Variants in PPP4R3A observed in about 807,000 individuals in gnomAD.
PPP4R3A encodes the protein serine/threonine-protein phosphatase 4 regulatory subunit 3A.
In PPP4R3A, 15 loss-of-function variants were observed where a neutral mutation model predicts 91.7. The observed-to-expected ratio is 0.16, with a 90% CI of 0.11 to 0.25. PPP4R3A has a LOEUF of 0.25. Ranked by LOEUF, PPP4R3A falls within the 10% of genes least tolerant of loss-of-function variation. The probability of loss-of-function intolerance (pLI) is 1.00; values close to 1 mark genes in which losing one functional copy is unlikely to be tolerated. For missense variants in PPP4R3A, 623 were observed against 998.4 expected (o/e 0.62, Z 5.07); for synonymous variants, 377 against 348.7 (o/e 1.08, Z -0.91).
At chr14:91,490,992 G>A (rs1011173409) in intron 1 of PPP4R3A, among the ~76,000 whole-genome samples, 190 bp from the exon 2 acceptor site, 7 of 145,528 alleles carry the variant, frequency 4.8e-5, no homozygotes, top group African/African-American at 1.8e-4. Flanking sequence ...TGCAACCTCC[G>A]CCTCCCAGGC....
chr14:91,462,345 C>T, intron 12 of PPP4R3A, 106 bp from the exon 13 acceptor site: 1 of 1,117,528 alleles, frequency 8.9e-7, no homozygotes, highest in Non-Finnish European at 1.2e-6. Flanking sequence ...ATGAAATTTA[C>T]AAATATTAAA....
At chr14:91,507,402 AAT>A (rs1891400284) in intron 1 of PPP4R3A, among the ~76,000 whole-genome samples, 1 of 82,140 alleles carries the variant, frequency 1.2e-5, no homozygotes, top group East Asian at 3.3e-4. Context: ...TATGTACTAT[AAT>A]TATATATACT....
chr14:91,461,927 A>C, intron 13 of PPP4R3A, 122 bp downstream of exon 13: 1 of 1,383,998 alleles, frequency 7.2e-7, no homozygotes, highest in African/African-American at 1.5e-5. Context: ...CCATAAAGCA[A>C]TAGAGTCTTT....
intron 7 of PPP4R3A, 21 bp from the exon 8 acceptor site, chr14:91,473,391 A>C: frequency 6.2e-7 from 1 of 1,601,198 alleles, no homozygotes; most frequent in Non-Finnish European, 8.5e-7. Context: ...AAATAGACAT[A>C]CTCAGGATCA....
intron 10 of PPP4R3A, among the ~76,000 whole-genome samples, chr14:91,468,730 G>C (rs1355762299): frequency 9.2e-6 from 1 of 108,846 alleles, no homozygotes; most frequent in East Asian, 2.8e-4. Flanking sequence ...TTGTCCACAT[G>C]CCACACTTTT....
chr14:91,510,053 G>T lies in PPP4R3A; in HGVS notation c.-406C>A. ...GCCTCCTCAGGCCGCCGCCGCCGCC[G>T]CCATATTTTCCTTCCTTATACCTGG... On this transcript the variant is annotated 5_prime_UTR_variant, in exon 1 of 15. Transcript: ENST00000554943. 3.0e-6 allele frequency: 2 copies of T among 658,284 alleles called. No individual in the cohort carries two copies. Among genetic ancestry groups the T allele is most frequent in the Non-Finnish European group, 3.8e-6 (2 of 528,582 alleles). The allele number at this position is 658,284 out of a possible 1,614,324, so 40.8% of individuals were successfully genotyped here.
Position 91,461,409 on chromosome 14 carries a change from G to A in PPP4R3A, c.2363C>T (p.Thr788Ile). Residue 788 changes from threonine (T) to isoleucine (I), a missense_variant, in exon 14 of 15, where the codon ACA (threonine) becomes ATA (isoleucine). Thr to Ile is a moderately conservative substitution (Grantham distance 89, BLOSUM62 -1). Transcript: ENST00000554943. Reference protein sequence around the residue: ...PGSPGSVPKNTSQTAAITTKG... With the variant: ...PGSPGSVPKNISQTAAITTKG... ...TGTAGTAATAGCTGCCGTCTGAGAT[G>A]TATTTTTAGGTACGGATCCAGGAGA... 4.3e-6 allele frequency: 7 copies of A among 1,611,970 alleles called. No homozygotes were observed. Among genetic ancestry groups the A allele is most frequent in the Non-Finnish European group, 5.9e-6 (7 of 1,178,104 alleles).
At position 91,509,581 on chromosome 14, in the gene PPP4R3A, C is replaced by T; in HGVS notation, c.67G>A (p.Gly23Ser). The T allele has an allele frequency of 6.2e-7, 1 of 1,602,880 alleles. No homozygotes were observed. Among genetic ancestry groups the T allele is most frequent in the Non-Finnish European group, 8.5e-7 (1 of 1,178,968 alleles). The change falls in exon 1 of 15, where the codon GGC becomes AGC. Residue 23 changes from glycine (G) to serine (S), a missense_variant. This residue lies in a region of PPP4R3A where 51 missense variants were observed against 81.8 expected (regional missense o/e 0.62). Transcript: ENST00000554943. ...TAGCCAGACGACACATGCCCGGTGC[C>T]CCGGTCGTCCCACTGCCGGTCCTCG... ...LNEDRQWDDR[G>S]TGHVSSGYVE... is the part of the protein sequence containing the mutation.
chr14:91,504,463 G>A (rs760757081), intron 1 of PPP4R3A, among the ~76,000 whole-genome samples: 3 of 151,900 alleles, frequency 2.0e-5, no homozygotes, highest in East Asian at 3.9e-4. Flanking sequence ...TTCACCAGGC[G>A]TGGTGGCAGG....
intron 3 of PPP4R3A, among the ~76,000 whole-genome samples, chr14:91,484,553 T>G (rs1452581142): frequency 6.6e-6 from 1 of 152,230 alleles, no homozygotes; most frequent in Non-Finnish European, 1.5e-5. Context: ...ATTTACTATC[T>G]TGTTTTTTAC....
intron 1 of PPP4R3A, among the ~76,000 whole-genome samples, chr14:91,507,895 G>C (rs937177139): frequency 2.1e-4 from 32 of 152,028 alleles, no homozygotes; most frequent in African/African-American, 7.5e-4. Context: ...GCCGAGGCGG[G>C]TGGACTGCGT....
Position 91,481,427 on chromosome 14 carries a change from T to G in PPP4R3A, c.915+149A>C, listed in dbSNP as rs577053583. The G allele has an allele frequency of 2.2e-5, 18 of 829,350 alleles. No homozygotes were observed. In the African/African-American group the frequency reaches 2.8e-4, roughly 13 times the overall value. 51.4% of individuals were successfully genotyped at this position (829,350 alleles called of 1,614,324 possible). A position where few individuals can be genotyped will look rare whatever the true frequency, so the allele number is the denominator to read the frequency against. Reference sequence around the variant, plus strand: ...GATAGAGTAACCTTCTGGTCTCGTATTATTATTGTATATTATAATCTCTTA... The same window carrying G: ...GATAGAGTAACCTTCTGGTCTCGTAGTATTATTGTATATTATAATCTCTTA... On this transcript the variant is annotated intron_variant, in intron 4 of 14. Coordinates refer to ENST00000554943, the MANE Select transcript of PPP4R3A (RefSeq NM_001366432.2).
At chr14:91,501,871 ATTTTTTT>A (rs755484959) in intron 1 of PPP4R3A, among the ~76,000 whole-genome samples, 24 of 100,232 alleles carry the variant, frequency 2.4e-4, no homozygotes, top group South Asian at 3.5e-4. Flanking sequence ...AGCCCGGCTA[ATTTTTTT>A]TTTTTTTTTT....
intron 1 of PPP4R3A, among the ~76,000 whole-genome samples, chr14:91,498,907 G>C (rs1314707861): frequency 8.2e-6 from 1 of 121,960 alleles, no homozygotes; most frequent in Non-Finnish European, 1.6e-5. Context: ...GACAGAGTGA[G>C]ACTCCAACTC....
intron 1 of PPP4R3A, among the ~76,000 whole-genome samples, chr14:91,497,631 T>C (rs1468842168): frequency 1.6e-4 from 24 of 152,120 alleles, no homozygotes; most frequent in Admixed American, 1.6e-3. Flanking sequence ...ACTTGGACTT[T>C]CTCAAAAAAA....
At position 91,485,622 on chromosome 14, in the gene PPP4R3A, A is replaced by C. The variant is rs1889834054; in HGVS notation, c.297+10T>G. 1 of 1,584,750 alleles carries C rather than the reference A, an allele frequency of 6.3e-7. No homozygotes were observed. Among genetic ancestry groups the C allele is most frequent in the African/African-American group, 1.3e-5 (1 of 74,446 alleles). On this transcript the variant is annotated intron_variant, in intron 3 of 14. Coordinates refer to ENST00000554943, the MANE Select transcript of PPP4R3A (RefSeq NM_001366432.2). ...AGAAAGCATGTTGATTTTTTTATTTAAAAAATTACCTGACATATTTTCTCC... is the reference window on the plus strand; with the variant it reads ...AGAAAGCATGTTGATTTTTTTATTTCAAAAATTACCTGACATATTTTCTCC...
At chr14:91,470,646 T>A (rs973745408) in intron 10 of PPP4R3A, among the ~76,000 whole-genome samples, 191 bp downstream of exon 10, 2 of 152,178 alleles carry the variant, frequency 1.3e-5, no homozygotes, top group Admixed American at 1.3e-4. Context: ...ACTCCCTTAC[T>A]GTATATTAAG....
In PPP4R3A at chr14:91,482,292, T is replaced by G; in HGVS notation, c.298-99A>C. The G allele has an allele frequency of 3.1e-6, 4 of 1,303,262 alleles. No individual in the cohort carries two copies. The South Asian group carries it at 4.8e-5, about 16-fold the overall frequency. 80.7% of individuals were successfully genotyped at this position (1,303,262 alleles called of 1,614,324 possible). A position where few individuals can be genotyped will look rare whatever the true frequency, so the allele number is the denominator to read the frequency against. On this transcript the variant is annotated intron_variant, in intron 3 of 14. Coordinates refer to ENST00000554943, the MANE Select transcript of PPP4R3A (RefSeq NM_001366432.2). ...AATACTAGAAATGTTGTAAGAAACC[T>G]ATAATGGTCATTTTCAAGACAAAAC...
intron 1 of PPP4R3A, among the ~76,000 whole-genome samples, chr14:91,500,351 C>T (rs955848234): frequency 4.6e-5 from 7 of 152,180 alleles, no homozygotes; most frequent in Non-Finnish European, 7.3e-5. Context: ...CAGGCGCACA[C>T]CACCACGCCC....
Sources: allele counts gnomAD v4.1 joint callset (sites outside exome capture counted in the v4.1 genomes callset), GRCh38; gene constraint gnomAD v4.1.1; regional missense constraint gnomAD v4.1.1; transcripts MANE v1.5; gene names NCBI Gene and HGNC (gene_info 2026-07-23, HGNC 2026-07-21).